Variants in HTR3C observed in about 807,000 individuals in gnomAD.
HTR3C encodes the protein 5-HT3-C.
In HTR3C, 32 loss-of-function variants were observed where a neutral mutation model predicts 40.5. The observed-to-expected ratio is 0.79, with a 90% CI of 0.60 to 1.06. HTR3C has a LOEUF of 1.06. Among genes scored for constraint, HTR3C ranks in the 50% least tolerant of loss-of-function variants. HTR3C has a pLI of 0.00. For missense variants in HTR3C, 523 were observed against 556.8 expected (o/e 0.94, Z 0.61); for synonymous variants, 209 against 217.1 (o/e 0.96, Z 0.33).
intron 3 of HTR3C, 88 bp downstream of exon 3, chr3:184,055,444 T>A (rs899343623): frequency 3.1e-5 from 31 of 995,046 alleles, no homozygotes; most frequent in Admixed American, 3.1e-4. Context: ...CCAGAAGCAG[T>A]GGCTCACGCC....
Position 184,056,982 on chromosome 3 carries a change from T to A in HTR3C, c.497T>A (p.Ile166Asn). 6.2e-7 allele frequency: 1 copy of A among 1,613,676 alleles called. No individual in the cohort carries two copies. Reference protein sequence around the residue: ...MRVTSICNLDIFYFPFDQQNC... With the variant: ...MRVTSICNLDNFYFPFDQQNC... ...GTGACCAGCATCTGTAACCTGGACATCTTCTACTTCCCTTTTGACCAACAG... is the reference window on the plus strand; with the variant it reads ...GTGACCAGCATCTGTAACCTGGACAACTTCTACTTCCCTTTTGACCAACAG... The change falls in exon 5 of 9, where the codon ATC (isoleucine) becomes AAC (asparagine). Residue 166 changes from isoleucine (I) to asparagine (N), a missense_variant. Coordinates refer to ENST00000318351, the MANE Select transcript of HTR3C (RefSeq NM_130770.3).
In HTR3C at chr3:184,059,634, C is replaced by G. The variant is rs770394095; in HGVS notation, c.919C>G (p.Leu307Val). 9 of 1,614,052 alleles carry G rather than the reference C, an allele frequency of 5.6e-6. No homozygotes were observed. The highest frequency in any genetic ancestry group is 1.7e-5 in the Admixed American group (1 of 60,006). ...NDLLPASGTPLISVYFALCLS... is the reference protein window; with the variant it reads ...NDLLPASGTPVISVYFALCLS... ...CTTGCTCCCTGCCAGTGGCACCCCC[C>G]TCATCAGTATGGCTCCTCCCACTTT... The change falls in exon 7 of 9, where the codon CTC (leucine) becomes GTC (valine). Residue 307 changes from leucine (L) to valine (V), a missense_variant. By Grantham distance (32) the Leu-to-Val change is conservative. Coordinates refer to ENST00000318351, the MANE Select transcript of HTR3C (RefSeq NM_130770.3).
At position 184,060,160 on chromosome 3, in the gene HTR3C, G is replaced by A. The variant is rs1320665131; in HGVS notation, c.1152G>A (p.Glu384=). The part of the protein sequence containing the change: ...LTLTHLPGPK[E]PGELAGKKLG... ...CTGTCCTCTCCACAGGCCCAAAGGAGCCGGGGGAGTTAGCAGGGAAGAAGC... is the reference window on the plus strand; with the variant it reads ...CTGTCCTCTCCACAGGCCCAAAGGAACCGGGGGAGTTAGCAGGGAAGAAGC... The change falls in exon 9 of 9, where the codon GAG becomes GAA. Residue 384 remains glutamate, a synonymous_variant. Transcript: ENST00000318351. The A allele has an allele frequency of 6.2e-7, 1 of 1,613,992 alleles. No homozygotes were observed. The highest frequency in any genetic ancestry group is 1.7e-5 in the Admixed American group (1 of 59,992).
intron 1 of HTR3C, among the ~76,000 whole-genome samples, chr3:184,053,460 T>C (rs1019042071): frequency 6.6e-6 from 1 of 152,168 alleles, no homozygotes; most frequent in African/African-American, 2.4e-5. Context: ...CTGTTTCTCC[T>C]GACATGATAT....
chr3:184,056,322 T>G, intron 4 of HTR3C, 36 bp downstream of exon 4: 1 of 1,428,368 alleles, frequency 7.0e-7, no homozygotes, highest in Admixed American at 1.7e-5. Context: ...GCGTGAAACC[T>G]CATCTGCCGA....
At chr3:184,053,607 G>A (rs929717752) in intron 1 of HTR3C, among the ~76,000 whole-genome samples, 1 of 152,214 alleles carries the variant, frequency 6.6e-6, no homozygotes, top group Non-Finnish European at 1.5e-5. Flanking sequence ...ATTATGGAAA[G>A]AGATGGAGAT....
intron 5 of HTR3C, among the ~76,000 whole-genome samples, chr3:184,057,512 A>C (rs1378631934): frequency 6.6e-6 from 1 of 152,202 alleles, no homozygotes; most frequent in Non-Finnish European, 1.5e-5. Flanking sequence ...AGGTGGGCAG[A>C]ACACGAGGTC....
At position 184,053,079 on chromosome 3, in the gene HTR3C, G is replaced by A. The variant is rs1258702925; in HGVS notation, c.-2G>A. On this transcript the variant is annotated 5_prime_UTR_variant, in exon 1 of 9. Coordinates refer to ENST00000318351, the MANE Select transcript of HTR3C (RefSeq NM_130770.3). The stretch of plus-strand genomic sequence containing the variant: ...TCCCCAGAGAAGAGTCCAGAAAGAA[G>A]AATGGAAGGAGGGTGGCCTGCAAGG... 1.9e-6 allele frequency: 3 copies of A among 1,612,768 alleles called. No homozygotes were observed. The highest frequency in any genetic ancestry group is 1.7e-5 in the Admixed American group (1 of 59,996).
intron 1 of HTR3C, among the ~76,000 whole-genome samples, chr3:184,053,841 G>A (rs1246026159): frequency 2.0e-5 from 3 of 152,146 alleles, no homozygotes; most frequent in Admixed American, 1.3e-4. Context: ...TGCAACCTCC[G>A]CCTCTCGGGT....
chr3:184,056,326 C>T, intron 4 of HTR3C, 40 bp downstream of exon 4: 2 of 1,361,908 alleles, frequency 1.5e-6, no homozygotes, highest in Non-Finnish European at 2.1e-6. Context: ...GAAACCTCAT[C>T]TGCCGAGAAC....
chr3:184,060,273 T>G lies in HTR3C; in HGVS notation c.1265T>G (p.Met422Arg). 1 of 1,614,182 alleles carries G rather than the reference T, an allele frequency of 6.2e-7. No individual in the cohort carries two copies. Among genetic ancestry groups the G allele is most frequent in the South Asian group, 1.1e-5 (1 of 91,090 alleles). The change falls in exon 9 of 9, where the codon ATG becomes AGG. Residue 422 changes from methionine (M) to arginine (R), a missense_variant. Physicochemically the swap from Met to Arg is moderately conservative, Grantham distance 91. Coordinates refer to ENST00000318351, the MANE Select transcript of HTR3C (RefSeq NM_130770.3). ...CTGTGGGTGCAGTTCAGCCACGCGA[T>G]GGACACCCTGCTCTTCCGCCTCTAC... ...MELWVQFSHA[M>R]DTLLFRLYLL...
rs1221115437 is a variant in HTR3C, at chr3:184,054,851, CA to C, written c.200del (p.Asn67ThrfsTer19). Reference protein sequence around the residue: ...FTNYSIPTRVNISFTLSAILG... With the variant: ...FTNYSIPTRVXISFTLSAILG... ...CCAACTACAGCATCCCTACCCGTGTCAACATCTCCTTCACCCTGTCTGCCAT... is the reference window on the plus strand; with the variant it reads ...CCAACTACAGCATCCCTACCCGTGTCACATCTCCTTCACCCTGTCTGCCAT... On this transcript the variant is annotated frameshift_variant, in exon 2 of 9. Coordinates refer to ENST00000318351, the MANE Select transcript of HTR3C (RefSeq NM_130770.3). LOFTEE classifies it high-confidence loss of function. 1.9e-6 allele frequency: 3 copies of C among 1,612,116 alleles called. No individual in the cohort carries two copies. The highest frequency in any genetic ancestry group is 2.5e-6 in the Non-Finnish European group (3 of 1,179,040).
rs6766410 is a variant in HTR3C at position 184,056,974 on chromosome 3, C to T, written c.489C>T (p.Asn163=). 5 of 1,613,000 alleles carry T rather than the reference C, an allele frequency of 3.1e-6. No homozygotes were observed. The highest frequency in any genetic ancestry group is 4.2e-6 in the Non-Finnish European group (5 of 1,179,396). The change falls in exon 5 of 9, where the codon AAC becomes AAT. Residue 163 remains asparagine (N), a synonymous_variant. Transcript: ENST00000318351. ...CAATGAGGGTGACCAGCATCTGTAACCTGGACATCTTCTACTTCCCTTTTG... is the reference window on the plus strand; with the variant it reads ...CAATGAGGGTGACCAGCATCTGTAATCTGGACATCTTCTACTTCCCTTTTG... ...DKPMRVTSIC[N]LDIFYFPFDQ...
In HTR3C at chr3:184,058,691, G is replaced by A. The variant is rs1723381937; in HGVS notation, c.720+104G>A. Reference sequence around the variant, plus strand: ...GCAAAAAAGAAGCTCCAGGCCGGGTGCAGTGGCTCACACCTGTAATCCCAG... The same window carrying A: ...GCAAAAAAGAAGCTCCAGGCCGGGTACAGTGGCTCACACCTGTAATCCCAG... On this transcript the variant is annotated intron_variant, in intron 6 of 8. Transcript: ENST00000318351. 2.1e-5 allele frequency: 27 copies of A among 1,300,692 alleles called. No homozygotes were observed. In the South Asian group the frequency reaches 3.7e-4, roughly 18 times the overall value. 80.6% of individuals were successfully genotyped at this position (1,300,692 alleles called of 1,614,324 possible). A position where few individuals can be genotyped will look rare whatever the true frequency, so the allele number is the denominator to read the frequency against.
chr3:184,059,476 T>G lies in HTR3C; in HGVS notation c.761T>G (p.Leu254Arg), dbSNP rs1022226219. The change falls in exon 7 of 9, where the codon CTG (leucine) becomes CGG (arginine). Residue 254 changes from leucine (L) to arginine (R), a missense_variant. By Grantham distance (102) the Leu-to-Arg change is moderately radical. Transcript: ENST00000318351. ...RRRPSLYIIN[L>R]LVPSSFLVAI... is the part of the protein sequence containing the mutation. ...AGGCCAAGCCTCTACATCATAAACCTGCTGGTGCCCAGTAGCTTTCTGGTT... is the reference window on the plus strand; with the variant it reads ...AGGCCAAGCCTCTACATCATAAACCGGCTGGTGCCCAGTAGCTTTCTGGTT... 1 of 1,614,096 alleles carries G rather than the reference T, an allele frequency of 6.2e-7. No individual in the cohort carries two copies. The highest frequency in any genetic ancestry group is 1.7e-5 in the Admixed American group (1 of 60,002).
At position 184,055,884 on chromosome 3, in the gene HTR3C, C is replaced by CAAAAAAAAAAAAAAAAAAA. The variant is rs71185686; in HGVS notation, c.280-282_280-264dup. ...TCTTAGGAAGGTTGAAATAGCAACT[C>CAAAAAAAAAAAAAAAAAAA]AAAAAAAAAAAAAAAAAAAAAAAAA... On this transcript the variant is annotated intron_variant, in intron 3 of 8. Coordinates refer to ENST00000318351, the MANE Select transcript of HTR3C (RefSeq NM_130770.3). 1.6e-4 allele frequency among the ~76,000 whole-genome samples: 5 copies of CAAAAAAAAAAAAAAAAAAA among 30,704 alleles called. 1 individual carries two copies. The highest frequency in any genetic ancestry group is 1.1e-4 in the Non-Finnish European group (2 of 17,976). 20.1% of individuals were successfully genotyped at this position (30,704 alleles called of 152,430 possible). A position where few individuals can be genotyped will look rare whatever the true frequency, so the allele number is the denominator to read the frequency against.
rs1723425193 is a variant in HTR3C at position 184,060,425 on chromosome 3, C to T, written c.*73C>T. 1.3e-6 allele frequency: 2 copies of T among 1,591,702 alleles called. No individual in the cohort carries two copies. The highest frequency in any genetic ancestry group is 1.7e-5 in the Admixed American group (1 of 59,842). ...GTCTTGGGCCAGCCGGACTCATTTT[C>T]CTAATCTTAGCCACTTATCCCCAGT... On this transcript the variant is annotated 3_prime_UTR_variant, in exon 9 of 9. Coordinates refer to ENST00000318351, the MANE Select transcript of HTR3C (RefSeq NM_130770.3).
chr3:184,054,767 T>A lies in HTR3C; in HGVS notation c.114T>A (p.His38Gln), dbSNP rs1322786569. The change falls in exon 2 of 9, where the codon CAT (histidine) becomes CAA (glutamine). Residue 38 changes from histidine (H) to glutamine (Q), a missense_variant. Transcript: ENST00000318351. ...FTINCSGFDQ[H>Q]GVDPAVFQAV... ...TCAATTGCTCAGGCTTTGACCAGCA[T>A]GGGGTTGACCCTGCTGTCTTCCAAG... is the stretch of plus-strand genomic sequence containing the variant. 6.2e-7 allele frequency: 1 copy of A among 1,613,158 alleles called. No homozygotes were observed. The highest frequency in any genetic ancestry group is 2.2e-5 in the East Asian group (1 of 44,838).
In HTR3C at chr3:184,059,628, A is replaced by AC. The variant is rs1394232956; in HGVS notation, c.919dup (p.Leu307ProfsTer39). The AC allele has an allele frequency of 6.2e-7, 1 of 1,613,662 alleles. No individual in the cohort carries two copies. The highest frequency in any genetic ancestry group is 2.2e-5 in the East Asian group (1 of 44,856). Reference sequence around the variant, plus strand: ...GAATGACTTGCTCCCTGCCAGTGGCACCCCCCTCATCAGTATGGCTCCTCC... The same window carrying AC: ...GAATGACTTGCTCCCTGCCAGTGGCACCCCCCCTCATCAGTATGGCTCCTCC... On this transcript the variant is annotated frameshift_variant, in exon 7 of 9. Coordinates refer to ENST00000318351, the MANE Select transcript of HTR3C (RefSeq NM_130770.3). LOFTEE classifies it high-confidence loss of function.
Sources: allele counts gnomAD v4.1 joint callset (sites outside exome capture counted in the v4.1 genomes callset), GRCh38; gene constraint gnomAD v4.1.1; transcripts MANE v1.5; gene names NCBI Gene and HGNC (gene_info 2026-07-23, HGNC 2026-07-21).